The following GPC6 variants were observed in gnomAD, a reference collection of about 807,000 sequenced individuals.
GPC6 encodes glypican-6.
In GPC6, 14 loss-of-function variants were observed where a neutral mutation model predicts 55.2. The observed-to-expected ratio is 0.25, with a 90% CI of 0.17 to 0.40. The LOEUF (loss-of-function observed/expected upper bound fraction) is 0.40. Among genes scored for constraint, GPC6 ranks in the 10% least tolerant of loss-of-function variants. The pLI is 1.00. For missense variants in GPC6, 641 were observed against 708.5 expected, an observed-to-expected ratio of 0.90 and a Z score of 1.08; for synonymous variants, 278 against 259.6, an observed-to-expected ratio of 1.07 and a Z score of -0.68.
chr13:93,441,780 C>T (rs146589595), intron 1 of GPC6, among the ~76,000 whole-genome samples: 165 of 152,208 alleles, frequency 1.1e-3, no homozygotes, highest in African/African-American at 3.6e-3. Context: ...TGCCTGTGTC[C>T]TGAATGGTAT....
intron 1 of GPC6, among the ~76,000 whole-genome samples, chr13:93,245,789 C>G (rs1337208073): frequency 6.6e-6 from 1 of 152,188 alleles, no homozygotes; most frequent in East Asian, 1.9e-4. Flanking sequence ...CTACTTAGAT[C>G]TCCCCGCATA....
intron 2 of GPC6, among the ~76,000 whole-genome samples, chr13:93,795,539 A>T (rs1216064077): frequency 6.6e-6 from 1 of 152,220 alleles, no homozygotes; most frequent in Non-Finnish European, 1.5e-5. Flanking sequence ...GCAATCCCTT[A>T]TCTGTTAGAA....
At chr13:93,256,969 A>C (rs542094814) in intron 1 of GPC6, among the ~76,000 whole-genome samples, 49 of 152,166 alleles carry the variant, frequency 3.2e-4, no homozygotes, top group African/African-American at 1.1e-3. Flanking sequence ...CTTTAGAAAG[A>C]TATCTTCCTT....
At chr13:93,956,731 G>A (rs944393545) in intron 3 of GPC6, among the ~76,000 whole-genome samples, 27 of 152,102 alleles carry the variant, frequency 1.8e-4, no homozygotes, top group African/African-American at 6.3e-4. Flanking sequence ...GTGTTCAACC[G>A]GGCATGTTTG....
chr13:94,080,459 C>T (rs1271055512), intron 4 of GPC6, among the ~76,000 whole-genome samples: 1 of 152,074 alleles, frequency 6.6e-6, no homozygotes, highest in Non-Finnish European at 1.5e-5. Flanking sequence ...TTATTCATTA[C>T]CTTAGATAAA....
At chr13:93,430,046 G>T (rs970894874) in intron 1 of GPC6, among the ~76,000 whole-genome samples, 1 of 152,132 alleles carries the variant, frequency 6.6e-6, no homozygotes, top group Admixed American at 6.6e-5. Context: ...GGCAAAGGCT[G>T]CAGTCAAGAG....
At chr13:93,471,018 C>T (rs925228597) in intron 1 of GPC6, among the ~76,000 whole-genome samples, 4 of 151,834 alleles carry the variant, frequency 2.6e-5, no homozygotes, top group African/African-American at 7.3e-5. Flanking sequence ...ATCTGTGTCT[C>T]CTAAAGGTTT....
chr13:94,089,694 A>C (rs905030735), intron 4 of GPC6, among the ~76,000 whole-genome samples: 1 of 152,198 alleles, frequency 6.6e-6, no homozygotes, highest in African/African-American at 2.4e-5. Flanking sequence ...ACATTATGAG[A>C]GCTGAAACAA....
chr13:93,343,442 G>C (rs887178537), intron 1 of GPC6, among the ~76,000 whole-genome samples: 7 of 152,230 alleles, frequency 4.6e-5, no homozygotes, highest in Admixed American at 3.3e-4. Flanking sequence ...TGGTACCCCA[G>C]ATACTCACCA....
chr13:93,846,607 G>A (rs1402227512), intron 3 of GPC6, among the ~76,000 whole-genome samples: 2 of 152,188 alleles, frequency 1.3e-5, no homozygotes, highest in Non-Finnish European at 2.9e-5. Flanking sequence ...GATGTCAGGA[G>A]TTTGAGACCA....
intron 1 of GPC6, among the ~76,000 whole-genome samples, chr13:93,236,917 G>A (rs534748702): frequency 2.6e-5 from 4 of 152,298 alleles, no homozygotes; most frequent in Non-Finnish European, 5.9e-5. Context: ...TTTTAGGGCT[G>A]AGTAGTATTC....
chr13:94,175,202 T>G (rs764310408), intron 4 of GPC6, among the ~76,000 whole-genome samples: 16 of 152,200 alleles, frequency 1.1e-4, no homozygotes, highest in Non-Finnish European at 1.8e-4. Context: ...TTGCCTCTAT[T>G]GCAGGACTGG....
At chr13:93,796,440 A>G (rs1052914396) in intron 2 of GPC6, among the ~76,000 whole-genome samples, 4 of 152,178 alleles carry the variant, frequency 2.6e-5, no homozygotes, top group Non-Finnish European at 4.4e-5. Flanking sequence ...CACAGTACTA[A>G]TAGGCTTCAC....
At chr13:93,276,487 A>AGTGTGT (rs1877749172) in intron 1 of GPC6, among the ~76,000 whole-genome samples, 1 of 135,786 alleles carries the variant, frequency 7.4e-6, no homozygotes, top group African/African-American at 3.2e-5. Flanking sequence ...AGAGAGAGAG[A>AGTGTGT]GAGAGAGAGT....
intron 3 of GPC6, among the ~76,000 whole-genome samples, chr13:93,917,930 C>T (rs937725451): frequency 6.6e-6 from 1 of 152,086 alleles, no homozygotes; most frequent in African/African-American, 2.4e-5. Flanking sequence ...AACCCTGTCT[C>T]TACTAAAAAT....
At chr13:94,018,414 C>T (rs561909981) in intron 3 of GPC6, among the ~76,000 whole-genome samples, 64 of 151,990 alleles carry the variant, frequency 4.2e-4, no homozygotes, top group Non-Finnish European at 7.6e-4. Flanking sequence ...CTCAGCCTCC[C>T]GAGTAATTGT....
chr13:94,318,486 A>G (rs1226509723), intron 6 of GPC6, among the ~76,000 whole-genome samples: 2 of 152,194 alleles, frequency 1.3e-5, no homozygotes, highest in African/African-American at 4.8e-5. Flanking sequence ...AAGTTATTGA[A>G]TATCATCTCT....
chr13:94,062,240 T>C (rs1235459797), intron 4 of GPC6, among the ~76,000 whole-genome samples: 1 of 151,780 alleles, frequency 6.6e-6, no homozygotes, highest in Non-Finnish European at 1.5e-5. Flanking sequence ...TCTGTTTTTT[T>C]TGTTTTGTTT....
intron 2 of GPC6, among the ~76,000 whole-genome samples, chr13:93,652,175 C>T (rs548266994): frequency 5.3e-5 from 8 of 152,284 alleles, no homozygotes; most frequent in Non-Finnish European, 8.8e-5. Context: ...TCCTGTTTGT[C>T]TAAAGATTTT....
Sources: gnomAD v4.1 joint callset for allele counts (sites outside exome capture counted in the v4.1 genomes callset) on GRCh38, gnomAD v4.1.1 for gene constraint, MANE v1.5 for transcripts, NCBI Gene and HGNC (gene_info 2026-07-23, HGNC 2026-07-21) for gene names.